PDS5A: variants seen among roughly 807,000 people sequenced by gnomAD.
PDS5A encodes PDS5 cohesin associated factor A.
PDS5A carries 42 observed loss-of-function variants against 167.1 expected under a neutral mutation model. The ratio of observed to expected loss-of-function variants is 0.25; its 90% CI spans 0.20 to 0.33. The LOEUF (loss-of-function observed/expected upper bound fraction) is 0.33, where lower values mean the gene tolerates loss of function less well. Ranked by LOEUF, PDS5A falls within the 10% of genes least tolerant of loss-of-function variation. The probability of loss-of-function intolerance (pLI) is 1.00; values close to 1 mark genes in which losing one functional copy is unlikely to be tolerated. For missense variants in PDS5A, 1,033 were observed against 1,605.9 expected (o/e 0.64, Z 6.10); for synonymous variants, 553 against 554.6 (o/e 1.00, Z 0.04).
intron 2 of PDS5A, among the ~76,000 whole-genome samples, chr4:39,930,275 A>T (rs1177075977): frequency 2.7e-4 from 23 of 85,728 alleles, no homozygotes; most frequent in Non-Finnish European, 3.0e-4. Flanking sequence ...TTTTTTTTTT[A>T]AGAGACAGGG....
chr4:39,891,514 G>GGA, intron 16 of PDS5A, among the ~76,000 whole-genome samples: 1 of 152,112 alleles, frequency 6.6e-6, no homozygotes, highest in Non-Finnish European at 1.5e-5. Flanking sequence ...CGGGCTTGGT[G>GGA]GCGCATGCCT....
intron 8 of PDS5A, among the ~76,000 whole-genome samples, chr4:39,916,298 C>T (rs908073635): frequency 3.3e-5 from 5 of 151,898 alleles, no homozygotes; most frequent in African/African-American, 9.7e-5. Context: ...GCAAGAATTA[C>T]GAATTACTTG....
chr4:39,849,438 C>CAAAAAAAA, intron 27 of PDS5A, 82 bp downstream of exon 27: 7 of 481,304 alleles, frequency 1.5e-5, no homozygotes, highest in South Asian at 4.3e-5. Context: ...TACGTATGGC[C>CAAAAAAAA]AAAAAAAAAA....
At chr4:39,973,756 C>T (rs1730796395) in intron 2 of PDS5A, 2 of 1,297,934 alleles carry the variant, frequency 1.5e-6, no homozygotes, top group African/African-American at 2.9e-5. Context: ...ACGAGCTGTG[C>T]CCAACCATGT....
rs184006184 is a variant in PDS5A at position 39,916,633 on chromosome 4, C to T, written c.876+415G>A. 1.6e-3 allele frequency among the ~76,000 whole-genome samples: 247 copies of T among 152,038 alleles called. 1 individual carries two copies. Among genetic ancestry groups the T allele is most frequent in the Middle Eastern group, 6.8e-3 (2 of 294 alleles). ...TTGTAATCCCAGCACTTTGGGCAGC[C>T]GAGGTGGGCAGATCACAAGGTCAAG... On this transcript the variant is annotated intron_variant, in intron 8 of 32. Coordinates refer to ENST00000303538, the MANE Select transcript of PDS5A (RefSeq NM_001100399.2).
At chr4:39,898,944 C>T (rs1722647717) in intron 14 of PDS5A, 119 bp from the exon 15 acceptor site, 1 of 658,922 alleles carries the variant, frequency 1.5e-6, no homozygotes, top group Admixed American at 2.7e-5. Context: ...AAGTTCATCA[C>T]AGTCTGCTCA....
chr4:39,845,258 CAA>C (rs1200007233), intron 29 of PDS5A, among the ~76,000 whole-genome samples: 2 of 152,054 alleles, frequency 1.3e-5, no homozygotes, highest in Non-Finnish European at 2.9e-5. Flanking sequence ...TTAATACAAT[CAA>C]AAGTCATAAG....
Position 39,825,360 on chromosome 4 carries a change from G to GCA in PDS5A, c.*123_*124dup. 2 of 688,466 alleles carry GCA rather than the reference G, an allele frequency of 2.9e-6. No homozygotes were observed. Among genetic ancestry groups the GCA allele is most frequent in the Non-Finnish European group, 4.9e-6 (2 of 406,196 alleles). The allele number at this position is 688,466 out of a possible 1,614,324, so 42.6% of individuals were successfully genotyped here. Reference sequence around the variant, plus strand: ...AGTAATAGTCTCTTTAGTTTTCAAGGCAGAGAGTGTGTGTTCTGAAGTGAG... The same window carrying GCA: ...AGTAATAGTCTCTTTAGTTTTCAAGGCACAGAGAGTGTGTGTTCTGAAGTGAG... On this transcript the variant is annotated 3_prime_UTR_variant, in exon 33 of 33. Transcript: ENST00000303538.
At chr4:39,894,806 G>T (rs990836686) in intron 16 of PDS5A, among the ~76,000 whole-genome samples, 5 of 152,122 alleles carry the variant, frequency 3.3e-5, no homozygotes, top group Admixed American at 6.6e-5. Context: ...GTCTAACATT[G>T]TGAGAAGGAT....
intron 20 of PDS5A, 85 bp downstream of exon 20, chr4:39,874,204 T>TA (rs1474049797): frequency 2.6e-6 from 3 of 1,176,346 alleles, no homozygotes; most frequent in South Asian, 1.4e-5. Context: ...TAAACAGCTT[T>TA]AAAAAATCTA....
Position 39,911,108 on chromosome 4 carries a change from T to C in PDS5A, c.993-770A>G, listed in dbSNP as rs534612143. ...ATAATTGTGCCACTGCACTCCAACC[T>C]GGGTAACAGACCCTGTCTCAAAACA... On this transcript the variant is annotated intron_variant, in intron 9 of 32. Coordinates refer to ENST00000303538, the MANE Select transcript of PDS5A (RefSeq NM_001100399.2). 3.9e-5 allele frequency among the ~76,000 whole-genome samples: 6 copies of C among 152,286 alleles called. No homozygotes were observed. The South Asian group carries it at 1.2e-3, about 32-fold the overall frequency.
chr4:39,967,288 G>A (rs1384702501), intron 2 of PDS5A, among the ~76,000 whole-genome samples: 1 of 152,092 alleles, frequency 6.6e-6, no homozygotes, highest in Admixed American at 6.6e-5. Context: ...CTGGGCAACA[G>A]AGTGAGATTC....
chr4:39,885,822 G>C (rs964137592), intron 17 of PDS5A, among the ~76,000 whole-genome samples: 1 of 152,042 alleles, frequency 6.6e-6, no homozygotes, highest in African/African-American at 2.4e-5. Context: ...AGTTGTGGTG[G>C]CATGTGCCTA....
chr4:39,960,919 A>C (rs1000210515), intron 2 of PDS5A, among the ~76,000 whole-genome samples: 1 of 152,044 alleles, frequency 6.6e-6, no homozygotes, highest in Non-Finnish European at 1.5e-5. Context: ...TGATCTCTTG[A>C]CTTCGTGATC....
chr4:39,898,558 A>G, intron 15 of PDS5A, 30 bp from the exon 16 acceptor site: 1 of 1,365,470 alleles, frequency 7.3e-7, no homozygotes, highest in Non-Finnish European at 9.9e-7. Context: ...TCAATATTAG[A>G]GAAGGAAAAA....
intron 5 of PDS5A, among the ~76,000 whole-genome samples, chr4:39,923,772 G>A (rs1473914966): frequency 2.0e-5 from 3 of 151,672 alleles, no homozygotes; most frequent in African/African-American, 7.3e-5. Flanking sequence ...CAATAATAAA[G>A]GCAGACATTT....
At chr4:39,870,054 A>G (rs1719889637) in intron 21 of PDS5A, among the ~76,000 whole-genome samples, 1 of 152,122 alleles carries the variant, frequency 6.6e-6, no homozygotes, top group South Asian at 2.1e-4. Context: ...GGTTGCAGTG[A>G]GCTGACATTG....
Position 39,908,552 on chromosome 4 carries a change from GA to G in PDS5A, c.1088-13del, listed in dbSNP as rs35396203. The G allele has an allele frequency of 0.39, 573,249 of 1,453,120 alleles. 121,406 individuals carry two copies. Among genetic ancestry groups the G allele is most frequent in the East Asian group, 0.69 (30,106 of 43,864 alleles). The allele number at this position is 1,453,120 out of a possible 1,614,324, so 90.0% of individuals were successfully genotyped here. ...AACCTTTAAATATTCTGTAATAAGA[GA>G]AAAAAAACTTAGGCTAAATGTTAGC... On this transcript the variant is annotated splice_polypyrimidine_tract_variant and intron_variant, in intron 10 of 32. Coordinates refer to ENST00000303538, the MANE Select transcript of PDS5A (RefSeq NM_001100399.2).
At chr4:39,902,508 AT>A in intron 12 of PDS5A, 48 bp from the exon 13 acceptor site, 1 of 928,528 alleles carries the variant, frequency 1.1e-6, no homozygotes. Flanking sequence ...CAATTATTCC[AT>A]TTTTAAGAAG....
Sources: gnomAD v4.1 joint callset for allele counts (sites outside exome capture counted in the v4.1 genomes callset) on GRCh38, gnomAD v4.1.1 for gene constraint, MANE v1.5 for transcripts, NCBI Gene and HGNC (gene_info 2026-07-23, HGNC 2026-07-21) for gene names.